The following CHEK2 variants were observed in gnomAD, a reference collection of about 807,000 sequenced individuals.
CHEK2 encodes the protein serine/threonine-protein kinase Chk2.
CHEK2 carries 71 observed loss-of-function variants against 69.1 expected under a neutral mutation model. The ratio of observed to expected loss-of-function variants is 1.03; its 90% CI spans 0.85 to 1.25. The LOEUF is 1.25. CHEK2 is among the 50% of genes most tolerant of loss of function. The pLI is 0.00. For synonymous variants in CHEK2, 189 were observed against 226.9 expected (o/e 0.83, Z 1.50); for missense variants, 664 against 649.6 (o/e 1.02, Z -0.24).
chr22:28,725,101 GTAAGAGTT>G lies in CHEK2; in HGVS notation c.460_467del (p.Asn154HisfsTer29), dbSNP rs2053948037. The G allele has an allele frequency of 6.2e-7, 1 of 1,613,968 alleles. No homozygotes were observed. Among genetic ancestry groups the G allele is most frequent in the Non-Finnish European group, 8.5e-7 (1 of 1,180,008 alleles). On this transcript the variant is annotated frameshift_variant, in exon 4 of 15. Coordinates refer to ENST00000404276, the MANE Select transcript of CHEK2 (RefSeq NM_007194.4). LOFTEE classifies it high-confidence loss of function. The stretch of plus-strand genomic sequence containing the variant: ...CACTGTGATCTTCTATGTATGCAAT[GTAAGAGTT>G]TTTAGGACCCACTTCCTAAAATAGA...
At chr22:28,708,360 A>AGTGTGTGT (rs1569135152) in intron 7 of CHEK2, among the ~76,000 whole-genome samples, 1 of 51,626 alleles carries the variant, frequency 1.9e-5, no homozygotes, top group Non-Finnish European at 5.9e-5. Context: ...TGTCTCTAAA[A>AGTGTGTGT]ATATGTGTGT....
intron 5 of CHEK2, among the ~76,000 whole-genome samples, chr22:28,717,747 C>T (rs1054858657): frequency 1.3e-5 from 2 of 151,336 alleles, no homozygotes; most frequent in Non-Finnish European, 2.9e-5. Context: ...TGTGTGGTGG[C>T]GGGCACCTGT....
At chr22:28,697,880 T>A (rs2052652902) in intron 9 of CHEK2, among the ~76,000 whole-genome samples, 1 of 151,984 alleles carries the variant, frequency 6.6e-6, no homozygotes, top group Non-Finnish European at 1.5e-5. Context: ...CTGGCCATAT[T>A]TTTTTAGGAA....
chr22:28,724,437 A>C (rs981479037), intron 4 of CHEK2: 2 of 171,488 alleles, frequency 1.2e-5, no homozygotes, highest in Middle Eastern at 5.1e-4. Flanking sequence ...CAAAACAAAA[A>C]AAACAGTATA....
intron 5 of CHEK2, chr22:28,712,400 CG>C: frequency 3.4e-6 from 1 of 290,778 alleles, no homozygotes; most frequent in South Asian, 8.4e-5. Flanking sequence ...AAACAAATAA[CG>C]GTAAACAGAA....
At chr22:28,720,555 T>C (rs1036234965) in intron 4 of CHEK2, among the ~76,000 whole-genome samples, 1 of 152,214 alleles carries the variant, frequency 6.6e-6, no homozygotes, top group African/African-American at 2.4e-5. Flanking sequence ...CTATGCCATC[T>C]TGAAAGGTGA....
At chr22:28,741,069 G>C (rs1194642747) in intron 1 of CHEK2, among the ~76,000 whole-genome samples, 4 of 143,096 alleles carry the variant, frequency 2.8e-5, no homozygotes, top group Admixed American at 7.4e-5. Flanking sequence ...AGAATCGCTT[G>C]AACCCAGGAG....
rs558109602 is a variant in CHEK2, at chr22:28,709,657, C to A, written c.846+349G>T. ...TTTCTGAGACAGTCTCACTCTGTCG[C>A]CCAGGCTGGAGTGCAGTGGCGCGAT... On this transcript the variant is annotated intron_variant, in intron 7 of 14. Transcript: ENST00000404276. Among the ~76,000 whole-genome samples the A allele has an allele frequency of 2.0e-5, 3 of 152,190 alleles. No homozygotes were observed. In the East Asian group the frequency reaches 5.8e-4, roughly 29 times the overall value.
chr22:28,735,850 C>T (rs565090110), intron 1 of CHEK2, among the ~76,000 whole-genome samples: 1 of 151,274 alleles, frequency 6.6e-6, no homozygotes. Flanking sequence ...CCACTGCACT[C>T]CAGCCTGGGT....
intron 8 of CHEK2, among the ~76,000 whole-genome samples, chr22:28,701,666 G>T (rs1052750498): frequency 2.0e-5 from 3 of 152,148 alleles, no homozygotes; most frequent in African/African-American, 7.2e-5. Flanking sequence ...AAATGAGACA[G>T]GAAGTTATTC....
chr22:28,696,595 G>A (rs1035999772), intron 10 of CHEK2, among the ~76,000 whole-genome samples: 7 of 152,080 alleles, frequency 4.6e-5, no homozygotes, highest in Admixed American at 6.6e-5. Flanking sequence ...CTGACCTCAG[G>A]TGATCTGCCC....
chr22:28,720,484 C>T (rs986832371), intron 4 of CHEK2, among the ~76,000 whole-genome samples: 2 of 152,124 alleles, frequency 1.3e-5, no homozygotes, highest in Non-Finnish European at 2.9e-5. Context: ...TGGGCCAAGC[C>T]TGTGATAAAT....
intron 13 of CHEK2, among the ~76,000 whole-genome samples, chr22:28,693,096 A>C (rs2052427417): frequency 6.6e-6 from 1 of 151,742 alleles, no homozygotes; most frequent in Non-Finnish European, 1.5e-5. Context: ...TACACAAACC[A>C]AAAAAAAATT....
At chr22:28,713,312 T>C (rs556919222) in intron 5 of CHEK2, among the ~76,000 whole-genome samples, 1 of 152,166 alleles carries the variant, frequency 6.6e-6, no homozygotes, top group Admixed American at 6.5e-5. Context: ...AGATAAATTA[T>C]ACTTCTTCAT....
intron 7 of CHEK2, among the ~76,000 whole-genome samples, chr22:28,705,623 T>A (rs1398016717): frequency 2.0e-5 from 3 of 152,096 alleles, no homozygotes; most frequent in East Asian, 3.9e-4. Flanking sequence ...TACACATATA[T>A]GTGGCTTTAA....
At position 28,694,070 on chromosome 22, in the gene CHEK2, A is replaced by T. The variant is rs370968992; in HGVS notation, c.1423T>A (p.Phe475Ile). Residue 475 changes from phenylalanine (F) to isoleucine (I), a missense_variant, in exon 13 of 15, where the codon TTT becomes ATT. Phe to Ile is a conservative substitution (Grantham distance 21, BLOSUM62 0). Transcript: ENST00000404276. ...KLLVVDPKAR[F>I]TTEEALRHPW... ...TGTCTTAAGGCTTCTTCTGTCGTAAAACGTGCCTTTGGATCCACTACCAAC... is the reference window on the plus strand; with the variant it reads ...TGTCTTAAGGCTTCTTCTGTCGTAATACGTGCCTTTGGATCCACTACCAAC... The T allele has an allele frequency of 1.9e-5, 30 of 1,596,050 alleles. No individual in the cohort carries two copies. Among genetic ancestry groups the T allele is most frequent in the African/African-American group, 2.7e-5 (2 of 74,798 alleles).
chr22:28,730,756 G>GCTGA (rs1555929908), intron 2 of CHEK2, among the ~76,000 whole-genome samples: 3 of 152,166 alleles, frequency 2.0e-5, no homozygotes. Context: ...TACTTGGGAG[G>GCTGA]CTGAGGCAGG....
chr22:28,733,922 CAAAAAA>C (rs545037765), intron 2 of CHEK2, among the ~76,000 whole-genome samples: 1 of 84,074 alleles, frequency 1.2e-5, no homozygotes, highest in African/African-American at 4.5e-5. Flanking sequence ...ACTCCGTTGC[CAAAAAA>C]AAAAAAAAAA....
At chr22:28,723,096 G>C (rs1430789962) in intron 4 of CHEK2, among the ~76,000 whole-genome samples, 1 of 152,026 alleles carries the variant, frequency 6.6e-6, no homozygotes, top group Non-Finnish European at 1.5e-5. Flanking sequence ...TTTTTGTCAG[G>C]TATCCTTTCT....
Sources: allele counts gnomAD v4.1 joint callset (sites outside exome capture counted in the v4.1 genomes callset), GRCh38; gene constraint gnomAD v4.1.1; transcripts MANE v1.5; gene names NCBI Gene and HGNC (gene_info 2026-07-23, HGNC 2026-07-21).